ERI3: variants seen among roughly 807,000 people sequenced by gnomAD.
ERI3 encodes the protein ERI1 exoribonuclease 3.
ERI3 carries 18 observed loss-of-function variants against 44.4 expected under a neutral mutation model. The observed-to-expected ratio is 0.41, with a 90% CI of 0.28 to 0.60. The LOEUF (loss-of-function observed/expected upper bound fraction) is 0.60, where lower values mean the gene tolerates loss of function less well. ERI3 is among the 20% of genes least tolerant of loss of function. The pLI, the probability that ERI3 is intolerant of heterozygous loss-of-function variation, is 0.36. For synonymous variants in ERI3, 183 were observed against 164.8 expected (o/e 1.11, Z -0.84); for missense variants, 294 against 435.5 (o/e 0.68, Z 2.89).
At chr1:44,227,166 G>A (rs1016061782) in intron 8 of ERI3, among the ~76,000 whole-genome samples, 1 of 152,180 alleles carries the variant, frequency 6.6e-6, no homozygotes, top group African/African-American at 2.4e-5. Context: ...GGAACATGCA[G>A]ACACATCCTG....
chr1:44,286,913 T>C (rs1645405029), intron 6 of ERI3, among the ~76,000 whole-genome samples: 1 of 152,120 alleles, frequency 6.6e-6, no homozygotes, highest in South Asian at 2.1e-4. Context: ...CAATATGCCG[T>C]GAGTCAGGAC....
chr1:44,296,919 C>G (rs1019366602), intron 6 of ERI3, among the ~76,000 whole-genome samples: 2 of 152,168 alleles, frequency 1.3e-5, no homozygotes, highest in African/African-American at 2.4e-5. Context: ...GCCTCAGCCC[C>G]CACATGCACC....
In ERI3 at chr1:44,241,803, AAC is replaced by A. The variant is rs113134381; in HGVS notation, c.931+6134_931+6135del. On this transcript the variant is annotated intron_variant, in intron 8 of 8. Coordinates refer to ENST00000372257, the MANE Select transcript of ERI3 (RefSeq NM_024066.3). The surrounding 1 kb of genome is among the most constrained non-coding windows in gnomAD (Gnocchi z 5.6). ...ACTTCCTAAAGAATCAAACACACATAACACATACATACATACATACATACATA... is the reference window on the plus strand; with the variant it reads ...ACTTCCTAAAGAATCAAACACACATAACATACATACATACATACATACATA... 179 of 221,494 alleles carry A rather than the reference AAC, an allele frequency of 8.1e-4. No homozygotes were observed. Among genetic ancestry groups the A allele is most frequent in the African/African-American group, 4.7e-3 (163 of 34,338 alleles). 13.7% of individuals were successfully genotyped at this position (221,494 alleles called of 1,614,324 possible). A position where few individuals can be genotyped will look rare whatever the true frequency, so the allele number is the denominator to read the frequency against.
At chr1:44,322,616 T>C (rs1326859883) in intron 3 of ERI3, 1 of 1,359,916 alleles carries the variant, frequency 7.4e-7, no homozygotes, top group East Asian at 2.6e-5. Context: ...ACAATGAGCC[T>C]ACACACTGGC....
chr1:44,354,598 C>G (rs528384497), intron 1 of ERI3: 1 of 985,354 alleles, frequency 1.0e-6, no homozygotes, highest in African/African-American at 1.7e-5. Flanking sequence ...GCGAGAGGGT[C>G]AAGGGAATGT....
At chr1:44,272,881 T>TA (rs869260681) in intron 7 of ERI3, among the ~76,000 whole-genome samples, 6 of 148,830 alleles carry the variant, frequency 4.0e-5, no homozygotes, top group African/African-American at 1.5e-4. Flanking sequence ...TAAAATAAAA[T>TA]AAACTACAAA....
intron 6 of ERI3, among the ~76,000 whole-genome samples, chr1:44,292,538 C>T (rs562822326): frequency 1.2e-3 from 189 of 152,290 alleles, no homozygotes; most frequent in Middle Eastern, 6.8e-3. Flanking sequence ...ATGGTCACTG[C>T]AGGAGTGACT....
At chr1:44,292,693 C>T (rs917015864) in intron 6 of ERI3, among the ~76,000 whole-genome samples, 3 of 152,224 alleles carry the variant, frequency 2.0e-5, no homozygotes, top group Non-Finnish European at 4.4e-5. Flanking sequence ...GCCCACAGCC[C>T]TGGGGGGAAT....
chr1:44,351,884 G>A (rs1331625093), intron 2 of ERI3, among the ~76,000 whole-genome samples: 2 of 151,920 alleles, frequency 1.3e-5, no homozygotes, highest in African/African-American at 4.8e-5. Flanking sequence ...TTCTATGTGA[G>A]GAGGTTTACT....
At chr1:44,354,196 T>A in intron 1 of ERI3, 1 of 985,424 alleles carries the variant, frequency 1.0e-6, no homozygotes, top group Non-Finnish European at 1.2e-6. Context: ...AGGATTCATG[T>A]TTTGCTGCCC....
At chr1:44,352,811 A>G in intron 2 of ERI3, 39 bp downstream of exon 2, 1 of 1,613,104 alleles carries the variant, frequency 6.2e-7, no homozygotes, top group Admixed American at 1.7e-5. Context: ...TACTCAGAAG[A>G]AAATAAAGCC....
rs527686854 is a variant in ERI3 at position 44,337,087 on chromosome 1, T to A, written c.489+1958A>T. Among the ~76,000 whole-genome samples the A allele has an allele frequency of 2.6e-5, 4 of 152,348 alleles. No individual in the cohort carries two copies. The East Asian group carries it at 5.8e-4, about 22-fold the overall frequency. ...GACATTGACAGACCAAACTGAGACA[T>A]GATTCAGGCTTCACCTTCAGGAATA... On this transcript the variant is annotated intron_variant, in intron 3 of 8. Transcript: ENST00000372257.
intron 7 of ERI3, among the ~76,000 whole-genome samples, chr1:44,256,289 A>G (rs760210900): frequency 6.6e-6 from 1 of 152,128 alleles, no homozygotes; most frequent in Non-Finnish European, 1.5e-5. Context: ...CCCCACAGCC[A>G]TTCTTGGAAC....
intron 6 of ERI3, 113 bp downstream of exon 6, chr1:44,308,197 G>T (rs939342372): frequency 1.8e-5 from 14 of 782,652 alleles, no homozygotes; most frequent in Admixed American, 3.8e-5. Context: ...TAGCCTCAAA[G>T]ACCTGAAGAA....
At chr1:44,337,340 T>C (rs1171246256) in intron 3 of ERI3, among the ~76,000 whole-genome samples, 1 of 152,204 alleles carries the variant, frequency 6.6e-6, no homozygotes, top group Non-Finnish European at 1.5e-5. Flanking sequence ...ACCCAGTGAC[T>C]GAAATAGAAG....
chr1:44,323,352 G>C (rs1466654494), intron 3 of ERI3, among the ~76,000 whole-genome samples: 1 of 152,220 alleles, frequency 6.6e-6, no homozygotes, highest in Non-Finnish European at 1.5e-5. Context: ...ATACCTTAGT[G>C]GAGGGACGTA....
rs560307423 is a variant in ERI3 at position 44,335,425 on chromosome 1, A to C, written c.489+3620T>G. Among the ~76,000 whole-genome samples, 37 of 152,102 alleles carry C rather than the reference A, an allele frequency of 2.4e-4. No individual in the cohort carries two copies. In the South Asian group the frequency reaches 7.1e-3, roughly 29 times the overall value. ...AGAGGAGCCTGGATGGTTCTCATTC[A>C]TAAGCCCAGCCCTACTCCCAGGAGG... On this transcript the variant is annotated intron_variant, in intron 3 of 8. Coordinates refer to ENST00000372257, the MANE Select transcript of ERI3 (RefSeq NM_024066.3).
chr1:44,259,876 T>C (rs142835001), intron 7 of ERI3, among the ~76,000 whole-genome samples: 267 of 57,814 alleles, frequency 4.6e-3, no homozygotes, highest in Admixed American at 0.016. Context: ...GAAAACCCTC[T>C]AGATAGATAG....
chr1:44,322,170 T>G (rs1015112148), intron 3 of ERI3, among the ~76,000 whole-genome samples: 1 of 152,182 alleles, frequency 6.6e-6, no homozygotes, highest in Admixed American at 6.5e-5. Context: ...CAGCTTCCAC[T>G]CTGACCAGCA....
Sources: allele counts gnomAD v4.1 joint callset (sites outside exome capture counted in the v4.1 genomes callset), GRCh38; gene constraint gnomAD v4.1.1; non-coding constraint Gnocchi (gnomAD v3.1); transcripts MANE v1.5; gene names NCBI Gene and HGNC (gene_info 2026-07-23, HGNC 2026-07-21).